MICAL3: variants seen among roughly 807,000 people sequenced by gnomAD.
MICAL3 encodes microtubule associated monooxygenase, calponin and LIM domain containing 3.
Under a neutral mutation model 207.4 loss-of-function variants are expected in MICAL3, and 62 were observed. The ratio of observed to expected loss-of-function variants is 0.30; its 90% CI spans 0.24 to 0.37. The LOEUF is 0.37. Ranked by LOEUF, MICAL3 falls within the 10% of genes least tolerant of loss-of-function variation. The pLI is 1.00. For missense variants in MICAL3, 2,368 were observed against 2,635.6 expected (o/e 0.90, Z 2.22); for synonymous variants, 1,077 against 1,069.3 (o/e 1.01, Z -0.14).
chr22:17,789,759 G>A lies in MICAL3; in HGVS notation c.*973C>T, dbSNP rs1286786445. 1 of 152,264 alleles carries A rather than the reference G, an allele frequency of 6.6e-6. No homozygotes were observed. The highest frequency in any genetic ancestry group is 6.5e-5 in the Admixed American group (1 of 15,288). 9.4% of individuals were successfully genotyped at this position (152,264 alleles called of 1,614,324 possible). A position where few individuals can be genotyped will look rare whatever the true frequency, so the allele number is the denominator to read the frequency against. ...GCTGTGGCTCCCGCACCCGGGCGCA[G>A]GTGATCAGTTCCTCTAGTAAAGATA... On this transcript the variant is annotated 3_prime_UTR_variant, in exon 32 of 32. Transcript: ENST00000441493.
At chr22:17,860,473 A>G (rs1355711167) in intron 19 of MICAL3, 1 of 985,412 alleles carries the variant, frequency 1.0e-6, no homozygotes, top group South Asian at 4.7e-5. Context: ...AGGCACCCCA[A>G]GCTGAATGGC....
At chr22:17,798,838 T>A (rs922823294) in intron 29 of MICAL3, among the ~76,000 whole-genome samples, 4 of 151,832 alleles carry the variant, frequency 2.6e-5, no homozygotes, top group Non-Finnish European at 5.9e-5. Flanking sequence ...CACACCCGGC[T>A]AATTTTTTGT....
rs766466400 is a variant in MICAL3, at chr22:17,817,546, G to A, written c.5115C>T (p.Pro1705=). 6.2e-7 allele frequency: 1 copy of A among 1,613,476 alleles called. No homozygotes were observed. Among genetic ancestry groups the A allele is most frequent in the African/African-American group, 1.3e-5 (1 of 75,024 alleles). Residue 1705 remains proline (P), a synonymous_variant, in exon 26 of 32, where the codon CCC becomes CCT. Coordinates refer to ENST00000441493, the MANE Select transcript of MICAL3 (RefSeq NM_015241.3). ...ACTTCTTCTCCTTCTTGTTTCTGCGGGGGGAGAAGAGTGACGACCTCTTCT... is the reference window on the plus strand; with the variant it reads ...ACTTCTTCTCCTTCTTGTTTCTGCGAGGGGAGAAGAGTGACGACCTCTTCT... ...KSKKRSSLFS[P]RRNKKEKKSK...
intron 19 of MICAL3, chr22:17,861,541 G>A: frequency 1.0e-6 from 1 of 985,388 alleles, no homozygotes; most frequent in Non-Finnish European, 1.2e-6. Flanking sequence ...GATTCCTCTG[G>A]ACAAAAACGA....
chr22:17,897,840 C>A (rs1930982424), intron 7 of MICAL3, among the ~76,000 whole-genome samples: 1 of 152,182 alleles, frequency 6.6e-6, no homozygotes, highest in Non-Finnish European at 1.5e-5. Flanking sequence ...AAAGCCTCCA[C>A]AGAAACCCAC....
At chr22:17,987,908 C>CAAA (rs1473748685) in intron 1 of MICAL3, among the ~76,000 whole-genome samples, 1 of 152,192 alleles carries the variant, frequency 6.6e-6, no homozygotes, top group Non-Finnish European at 1.5e-5. Flanking sequence ...ACTCCTCCTG[C>CAAA]AACTTCTCTG....
intron 27 of MICAL3, 146 bp downstream of exon 27, chr22:17,816,544 G>C: frequency 2.9e-6 from 2 of 679,656 alleles, no homozygotes; most frequent in Admixed American, 4.6e-5. Context: ...CAGTGCATAG[G>C]GCTGGGTCAG....
Position 17,820,515 on chromosome 22 carries a change from C to T in MICAL3, c.3531+912G>A, listed in dbSNP as rs375662542. ...GACTACAGGCGCCCGCCACCACGCC[C>T]GGCTAATTTTTTGTATTGTTAGTAG... On this transcript the variant is annotated intron_variant, in intron 25 of 31. Coordinates refer to ENST00000441493, the MANE Select transcript of MICAL3 (RefSeq NM_015241.3). Among the ~76,000 whole-genome samples the T allele has an allele frequency of 1.4e-4, 21 of 152,220 alleles. No individual in the cohort carries two copies. The East Asian group carries it at 1.9e-3, about 14-fold the overall frequency.
Position 17,810,701 on chromosome 22 carries a change from A to G in MICAL3, c.5556+2T>C. ...CCCTGGTCCCATCCTCCATGGTTTT[A>G]CCTGGGCTCGATGCAGCCGCTTAAG... On this transcript the variant is annotated splice_donor_variant, in intron 28 of 31. Transcript: ENST00000441493. LOFTEE classifies it high-confidence loss of function. 6.2e-7 allele frequency: 1 copy of G among 1,613,124 alleles called. No individual in the cohort carries two copies. The highest frequency in any genetic ancestry group is 8.5e-7 in the Non-Finnish European group (1 of 1,179,306).
At chr22:17,792,301 ACT>A (rs990907769) in intron 29 of MICAL3, among the ~76,000 whole-genome samples, 9 of 152,014 alleles carry the variant, frequency 5.9e-5, no homozygotes, top group African/African-American at 2.2e-4. Flanking sequence ...AAAGCTAGGG[ACT>A]CTCTTCCTAG....
chr22:17,904,580 C>A, intron 3 of MICAL3, 52 bp downstream of exon 3: 3 of 1,360,154 alleles, frequency 2.2e-6, no homozygotes, highest in Non-Finnish European at 3.2e-6. Flanking sequence ...TTCTACTGAA[C>A]AAGCGTGCAA....
chr22:18,007,696 G>GTAATCCCAA lies in MICAL3; in HGVS notation c.-75+16584_-75+16585insTTGGGATTA, dbSNP rs534111899. On this transcript the variant is annotated intron_variant, in intron 1 of 31. Coordinates refer to ENST00000441493, the MANE Select transcript of MICAL3 (RefSeq NM_015241.3). Reference sequence around the variant, plus strand: ...GGGCCGGGTGCTGTGGCTCACGCCTGTAATCCCAGCACTTTGGGAGGCCGA... The same window carrying GTAATCCCAA: ...GGGCCGGGTGCTGTGGCTCACGCCTGTAATCCCAATAATCCCAGCACTTTGGGAGGCCGA... Among the ~76,000 whole-genome samples the GTAATCCCAA allele has an allele frequency of 9.1e-3, 1,157 of 127,392 alleles. 17 individuals are homozygous for GTAATCCCAA. The highest frequency in any genetic ancestry group is 0.035 in the African/African-American group (1,101 of 31,840). 83.6% of individuals were successfully genotyped at this position (127,392 alleles called of 152,430 possible). A position where few individuals can be genotyped will look rare whatever the true frequency, so the allele number is the denominator to read the frequency against.
chr22:17,915,387 A>G (rs1391107907), intron 1 of MICAL3, among the ~76,000 whole-genome samples: 1 of 152,196 alleles, frequency 6.6e-6, no homozygotes, highest in African/African-American at 2.4e-5. Flanking sequence ...CACTGCACAC[A>G]GGGACTCAGA....
chr22:17,978,248 T>C (rs911343661), intron 1 of MICAL3, among the ~76,000 whole-genome samples: 1 of 152,184 alleles, frequency 6.6e-6, no homozygotes, highest in Admixed American at 6.5e-5. Flanking sequence ...ACAACATGAA[T>C]GAATCTTGAA....
intron 1 of MICAL3, among the ~76,000 whole-genome samples, chr22:17,991,251 G>A (rs1012649775): frequency 6.6e-6 from 1 of 152,120 alleles, no homozygotes; most frequent in East Asian, 1.9e-4. Context: ...CTGCGTGTGT[G>A]TAAGTGCTGT....
At chr22:17,889,688 T>C (rs1262937035) in intron 12 of MICAL3, among the ~76,000 whole-genome samples, 1 of 152,136 alleles carries the variant, frequency 6.6e-6, no homozygotes, top group East Asian at 1.9e-4. Context: ...ATGCCTACAG[T>C]CCTAGCTACT....
At chr22:17,856,805 T>TAG (rs1159253053) in intron 19 of MICAL3, among the ~76,000 whole-genome samples, 4 of 151,836 alleles carry the variant, frequency 2.6e-5, no homozygotes, top group Non-Finnish European at 5.9e-5. Flanking sequence ...GTATTTTTAG[T>TAG]AGAGACGGGG....
chr22:17,838,215 G>A (rs895922080), intron 20 of MICAL3, among the ~76,000 whole-genome samples: 1 of 152,196 alleles, frequency 6.6e-6, no homozygotes, highest in Admixed American at 6.6e-5. Flanking sequence ...GCATCACCTG[G>A]GAACTTTTGA....
intron 18 of MICAL3, 99 bp from the exon 19 acceptor site, chr22:17,865,085 TTTTATTTATTTATTTATTTATTTA>T (rs200555386): frequency 3.4e-6 from 2 of 583,782 alleles, no homozygotes; most frequent in Non-Finnish European, 4.7e-6. Flanking sequence ...TGGTTTTAAA[TTTTATTTATTTATTTATTTATTTA>T]TTTATTTATT....
Sources: gnomAD v4.1 joint callset for allele counts (sites outside exome capture counted in the v4.1 genomes callset) on GRCh38, gnomAD v4.1.1 for gene constraint, MANE v1.5 for transcripts, NCBI Gene and HGNC (gene_info 2026-07-23, HGNC 2026-07-21) for gene names.